Variants in DHRSX observed in about 807,000 individuals in gnomAD.
DHRSX encodes the protein dehydrogenase/reductase X-linked.
DHRSX carries 31 observed loss-of-function variants against 34.0 expected under a neutral mutation model. That is an observed-to-expected ratio of 0.91 (90% CI 0.69 to 1.23). The LOEUF (loss-of-function observed/expected upper bound fraction) is 1.23, where lower values mean the gene tolerates loss of function less well. DHRSX is among the 50% of genes most tolerant of loss of function. The probability of loss-of-function intolerance (pLI) is 0.00; values close to 1 mark genes in which losing one functional copy is unlikely to be tolerated. For synonymous variants in DHRSX, 201 were observed against 183.8 expected (o/e 1.09, Z -0.76); for missense variants, 414 against 428.1 (o/e 0.97, Z 0.29).
intron 3 of DHRSX, among the ~76,000 whole-genome samples, chrX:2,325,854 C>CTCTTT (rs1327671434): frequency 1.3e-5 from 2 of 151,756 alleles, no homozygotes; most frequent in Non-Finnish European, 2.9e-5. Flanking sequence ...ATTTCTCTTT[C>CTCTTT]TCTTCTCCTG....
intron 6 of DHRSX, among the ~76,000 whole-genome samples, chrX:2,231,593 TTTTC>T (rs1367363687): frequency 3.9e-5 from 2 of 51,944 alleles, no homozygotes; most frequent in Non-Finnish European, 6.6e-5. Context: ...GTATCCTCCT[TTTTC>T]TTTTTTCCCT....
intron 1 of DHRSX, among the ~76,000 whole-genome samples, chrX:2,460,645 G>A (rs1013938868): frequency 1.7e-4 from 26 of 149,918 alleles, no homozygotes; most frequent in African/African-American, 5.2e-4. Context: ...GTGCAGTGGT[G>A]CGATCACGTT....
intron 3 of DHRSX, among the ~76,000 whole-genome samples, chrX:2,297,025 C>A (rs2041942900): frequency 6.6e-6 from 1 of 152,016 alleles, no homozygotes; most frequent in Non-Finnish European, 1.5e-5. Context: ...GCAGATAGAC[C>A]CAGGCAGATA....
intron 3 of DHRSX, among the ~76,000 whole-genome samples, chrX:2,380,209 T>C (rs963611423): frequency 1.4e-5 from 2 of 147,128 alleles, no homozygotes; most frequent in African/African-American, 5.0e-5. Context: ...GCAGGAGAAT[T>C]GCTTGAACCG....
In DHRSX at chrX:2,500,905, C is replaced by A; in HGVS notation, c.21G>T (p.Ala7=). Residue 7 remains alanine, a synonymous_variant, in exon 1 of 7, where the codon GCG becomes GCT. Coordinates refer to ENST00000334651, the MANE Select transcript of DHRSX (RefSeq NM_145177.3). ...CCGCGTAGACCCGCAGGGCCGCCCG[C>A]GCCGCAGACAATGGCGACATGGCTG... The part of the protein sequence containing the change: MSPLSA[A]RAALRVYAVG... 8.9e-7 allele frequency: 1 copy of A among 1,121,212 alleles called. No homozygotes were observed. The allele number at this position is 1,121,212 out of a possible 1,614,324, so 69.5% of individuals were successfully genotyped here. A position where few individuals can be genotyped will look rare whatever the true frequency, so the allele number is the denominator to read the frequency against.
At chrX:2,436,696 T>C (rs1052011827) in intron 1 of DHRSX, among the ~76,000 whole-genome samples, 5 of 151,160 alleles carry the variant, frequency 3.3e-5, no homozygotes, top group African/African-American at 1.2e-4. Flanking sequence ...AGGGTCTTGC[T>C]CCATTGTTCA....
intron 3 of DHRSX, among the ~76,000 whole-genome samples, chrX:2,346,209 T>G (rs1042603042): frequency 1.2e-4 from 18 of 151,264 alleles, no homozygotes; most frequent in Non-Finnish European, 2.5e-4. Context: ...GGCATCTCAC[T>G]CCATGGCATC....
chrX:2,366,716 G>A (rs1341557037), intron 3 of DHRSX, among the ~76,000 whole-genome samples: 1 of 151,806 alleles, frequency 6.6e-6, no homozygotes, highest in Non-Finnish European at 1.5e-5. Flanking sequence ...TCCTGCCTCA[G>A]CATCTTGAGA....
intron 6 of DHRSX, among the ~76,000 whole-genome samples, chrX:2,233,097 A>G (rs2015934833): frequency 6.6e-6 from 1 of 152,058 alleles, no homozygotes; most frequent in African/African-American, 2.4e-5. Flanking sequence ...TATGCCAAAG[A>G]GACTAGAGGT....
intron 5 of DHRSX, among the ~76,000 whole-genome samples, chrX:2,250,451 C>T (rs2016410962): frequency 6.6e-6 from 1 of 152,120 alleles, no homozygotes; most frequent in Non-Finnish European, 1.5e-5. Context: ...GGTTATTTCT[C>T]TATCATATGC....
chrX:2,375,800 T>C (rs1438040586), intron 3 of DHRSX, among the ~76,000 whole-genome samples: 1 of 135,924 alleles, frequency 7.4e-6, no homozygotes. Context: ...GCCTGGCTAA[T>C]TTTTGTATTT....
intron 2 of DHRSX, among the ~76,000 whole-genome samples, chrX:2,414,851 T>C (rs1418239980): frequency 6.6e-6 from 1 of 151,612 alleles, no homozygotes; most frequent in Non-Finnish European, 1.5e-5. Flanking sequence ...CTAGGCCAAC[T>C]AGATTTCATT....
At chrX:2,363,837 C>G (rs2042968436) in intron 3 of DHRSX, among the ~76,000 whole-genome samples, 2 of 152,066 alleles carry the variant, frequency 1.3e-5, no homozygotes, top group Non-Finnish European at 2.9e-5. Context: ...AATAACACAT[C>G]AGCATCGAAG....
chrX:2,421,628 G>T (rs181083856), intron 2 of DHRSX, among the ~76,000 whole-genome samples: 1 of 152,256 alleles, frequency 6.6e-6, no homozygotes, highest in Non-Finnish European at 1.5e-5. Flanking sequence ...AGCAAGGTTA[G>T]CATTTTCTTC....
intron 3 of DHRSX, among the ~76,000 whole-genome samples, chrX:2,401,404 C>T (rs2043484194): frequency 6.6e-6 from 1 of 152,164 alleles, no homozygotes; most frequent in Non-Finnish European, 1.5e-5. Context: ...AGCCATCGTG[C>T]CTAGCCAGGA....
chrX:2,338,429 G>C (rs1372554084), intron 3 of DHRSX, among the ~76,000 whole-genome samples: 1 of 151,888 alleles, frequency 6.6e-6, no homozygotes, highest in African/African-American at 2.4e-5. Flanking sequence ...TACAGGCTCT[G>C]CTTTAAAATT....
intron 3 of DHRSX, among the ~76,000 whole-genome samples, chrX:2,316,955 C>T (rs1256197952): frequency 6.6e-6 from 1 of 152,044 alleles, no homozygotes; most frequent in Non-Finnish European, 1.5e-5. Context: ...ACCTGTGCTC[C>T]GTGCTTTTTC....
chrX:2,500,808 C>A lies in DHRSX; in HGVS notation c.109+9G>T. The A allele has an allele frequency of 3.6e-6, 4 of 1,126,410 alleles. No homozygotes were observed. The highest frequency in any genetic ancestry group is 4.4e-6 in the Non-Finnish European group (4 of 919,242). 69.8% of individuals were successfully genotyped at this position (1,126,410 alleles called of 1,614,324 possible). Reference sequence around the variant, plus strand: ...CCCGGAGCCCTGACCCCTGCCCCGCCCCGCTGACCTGGCTCCAGGAAGCCC... The same window carrying A: ...CCCGGAGCCCTGACCCCTGCCCCGCACCGCTGACCTGGCTCCAGGAAGCCC... On this transcript the variant is annotated intron_variant, in intron 1 of 6. Transcript: ENST00000334651.
At chrX:2,392,617 A>G in intron 3 of DHRSX, 1 of 157,210 alleles carries the variant, frequency 6.4e-6, no homozygotes, top group East Asian at 1.8e-4. Flanking sequence ...CTTATTATAT[A>G]TTATATTTAT....
Sources: allele counts gnomAD v4.1 joint callset (sites outside exome capture counted in the v4.1 genomes callset), GRCh38; gene constraint gnomAD v4.1.1; transcripts MANE v1.5; gene names NCBI Gene and HGNC (gene_info 2026-07-23, HGNC 2026-07-21).